The following RANBP2 variants were observed in gnomAD, a reference collection of about 807,000 sequenced individuals.
RANBP2 encodes the protein RAN binding protein 2, also known as E3 SUMO-protein ligase RanBP2.
RANBP2 carries 57 observed loss-of-function variants against 303.6 expected under a neutral mutation model. That is an observed-to-expected ratio of 0.19 (90% confidence interval 0.15 to 0.23). The LOEUF (loss-of-function observed/expected upper bound fraction) is 0.23. Among genes scored for constraint, RANBP2 ranks in the 10% least tolerant of loss-of-function variants. The pLI is 1.00. For missense variants in RANBP2, 3,138 were observed against 3,780.8 expected (o/e 0.83, Z 4.46); for synonymous variants, 1,167 against 1,301.5 (o/e 0.90, Z 2.23).
the RANBP2 span, among the ~76,000 whole-genome samples, chr2:109,695,981 TGA>T: frequency 6.6e-6 from 1 of 152,094 alleles, no homozygotes; most frequent in Non-Finnish European, 1.5e-5. Context: ...TCTTTTTTTT[TGA>T]GATAGAGTCT....
the RANBP2 span, among the ~76,000 whole-genome samples, chr2:109,203,079 G>A: frequency 2.0e-5 from 3 of 152,158 alleles, no homozygotes; most frequent in Admixed American, 6.5e-5. Context: ...CAGAAGCTCC[G>A]TCGAGCCTGG....
At chr2:109,586,569 C>T in the RANBP2 span, among the ~76,000 whole-genome samples, 7 of 152,130 alleles carry the variant, frequency 4.6e-5, no homozygotes, top group Non-Finnish European at 7.3e-5. Flanking sequence ...CCAAAATCTA[C>T]AAACACACTC....
the RANBP2 span, among the ~76,000 whole-genome samples, chr2:109,635,120 A>AT: frequency 6.6e-6 from 1 of 151,104 alleles, no homozygotes. Context: ...AAAAAAAAAA[A>AT]GAAACTCCAG....
At chr2:109,392,963 C>G in the RANBP2 span, among the ~76,000 whole-genome samples, 10 of 152,304 alleles carry the variant, frequency 6.6e-5, no homozygotes, top group African/African-American at 2.4e-4. Flanking sequence ...CAAAGGGAAT[C>G]CTTCCCTCTC....
the RANBP2 span, among the ~76,000 whole-genome samples, chr2:108,989,688 A>G: frequency 1.3e-5 from 2 of 152,064 alleles, no homozygotes; most frequent in African/African-American, 4.8e-5. Flanking sequence ...GTGTATACCC[A>G]TGTAACTTCA....
At chr2:109,415,121 C>A in the RANBP2 span, among the ~76,000 whole-genome samples, 1 of 142,848 alleles carries the variant, frequency 7.0e-6, no homozygotes, top group African/African-American at 2.7e-5. Context: ...GGAACGTGGG[C>A]AGCCTCTAGA....
rs368409931 is a variant in RANBP2, at chr2:108,730,915, G to A, written c.252+30G>A. ...GTTACAGGATTCAAATATAGCCTTT[G>A]CATAGCCAAACACATGATGCCCAGA... On this transcript the variant is annotated intron_variant, in intron 3 of 28. Transcript: ENST00000283195. The A allele has an allele frequency of 8.4e-4, 1,355 of 1,611,244 alleles. 6 individuals carry two copies. In the Middle Eastern group the frequency reaches 0.012, roughly 14 times the overall value.
At chr2:109,146,847 T>G in the RANBP2 span, among the ~76,000 whole-genome samples, 1 of 13,688 alleles carries the variant, frequency 7.3e-5, no homozygotes. Context: ...TCCCCTCCCC[T>G]CCCCTCCCTC....
the RANBP2 span, among the ~76,000 whole-genome samples, chr2:109,269,450 C>G: frequency 8.1e-3 from 1,240 of 152,298 alleles, 12 homozygotes; most frequent in East Asian, 0.038. Context: ...ATCCAGCCCC[C>G]CTTTCTTCTG....
rs1176803593 is a variant in RANBP2, at chr2:108,782,615, A to G, written c.9122A>G (p.Gln3041Arg). Reference sequence around the variant, plus strand: ...TTCAAGAAAACATTTGAAGAATGTCAGCAGAATTTAATGAAACTCCAGAAA... The same window carrying G: ...TTCAAGAAAACATTTGAAGAATGTCGGCAGAATTTAATGAAACTCCAGAAA... ...DCFKKTFEEC[Q>R]QNLMKLQKGH... The change falls in exon 28 of 29, where the codon CAG becomes CGG. Residue 3041 changes from glutamine (Q) to arginine (R), a missense_variant. Coordinates refer to ENST00000283195, the MANE Select transcript of RANBP2 (RefSeq NM_006267.5). 1.2e-6 allele frequency: 2 copies of G among 1,614,148 alleles called. No homozygotes were observed. Among genetic ancestry groups the G allele is most frequent in the Non-Finnish European group, 1.7e-6 (2 of 1,180,058 alleles).
At chr2:109,096,018 A>G in the RANBP2 span, among the ~76,000 whole-genome samples, 1 of 152,170 alleles carries the variant, frequency 6.6e-6, no homozygotes, top group African/African-American at 2.4e-5. Flanking sequence ...GTCTCCTACC[A>G]GAGTAAAGGT....
the RANBP2 span, among the ~76,000 whole-genome samples, chr2:109,097,495 A>G: frequency 6.6e-6 from 1 of 152,164 alleles, no homozygotes; most frequent in Non-Finnish European, 1.5e-5. Context: ...AGTCTTTCAG[A>G]AGCCTTATTG....
chr2:109,624,802 C>T, the RANBP2 span, among the ~76,000 whole-genome samples: 8,453 of 152,108 alleles, frequency 0.056, 273 homozygotes, highest in African/African-American at 0.069. Context: ...AGAATCTAGC[C>T]GGGCATGGTG....
At chr2:109,235,265 G>A in the RANBP2 span, among the ~76,000 whole-genome samples, 1 of 152,160 alleles carries the variant, frequency 6.6e-6, no homozygotes, top group Non-Finnish European at 1.5e-5. Context: ...GGACTGGTTG[G>A]TGGGCCAAGA....
chr2:108,917,616 C>T, the RANBP2 span, among the ~76,000 whole-genome samples: 21 of 152,252 alleles, frequency 1.4e-4, no homozygotes, highest in South Asian at 2.1e-4. Context: ...CCTCTGCCCC[C>T]GGGCAAGACA....
chr2:109,177,740 G>C, the RANBP2 span, among the ~76,000 whole-genome samples: 2 of 152,170 alleles, frequency 1.3e-5, no homozygotes, highest in Non-Finnish European at 2.9e-5. Flanking sequence ...AAAATGCTAA[G>C]AACCCCCTTC....
At chr2:108,719,700 C>T (rs757820187) in intron 1 of RANBP2, 22 bp downstream of exon 1, 1 of 1,580,900 alleles carries the variant, frequency 6.3e-7, no homozygotes, top group Middle Eastern at 2.3e-4. Context: ...TCGAAGAGAC[C>T]GACGGCCTCG....
At chr2:109,694,170 T>C in the RANBP2 span, among the ~76,000 whole-genome samples, 22 of 152,280 alleles carry the variant, frequency 1.4e-4, no homozygotes, top group Admixed American at 1.4e-3. Flanking sequence ...GGATTTCTCA[T>C]GAATGGCTTG....
At chr2:109,445,928 TCA>T in the RANBP2 span, among the ~76,000 whole-genome samples, 1 of 152,104 alleles carries the variant, frequency 6.6e-6, no homozygotes, top group Non-Finnish European at 1.5e-5. Context: ...GAGTGAGGGC[TCA>T]CAGTCCTTGG....
Sources: gnomAD v4.1 joint callset for allele counts (sites outside exome capture counted in the v4.1 genomes callset) on GRCh38, gnomAD v4.1.1 for gene constraint, MANE v1.5 for transcripts, NCBI Gene and HGNC (gene_info 2026-07-23, HGNC 2026-07-21) for gene names.